The following CLNK variants were observed in gnomAD, a reference collection of about 807,000 sequenced individuals.
CLNK encodes the protein cytokine dependent hematopoietic cell linker.
A neutral mutation model predicts 68.6 loss-of-function variants in CLNK; 74 were observed. The ratio of observed to expected loss-of-function variants is 1.08; its 90% CI spans 0.89 to 1.31. The LOEUF (loss-of-function observed/expected upper bound fraction) is 1.31, where lower values mean the gene tolerates loss of function less well. Among genes scored for constraint, CLNK ranks in the 50% most tolerant of loss-of-function variants. The pLI is 0.00. For missense variants in CLNK, 553 were observed against 515.3 expected, an observed-to-expected ratio of 1.07 and a Z score of -0.71; for synonymous variants, 198 against 172.2, an observed-to-expected ratio of 1.15 and a Z score of -1.17.
chr4:10,711,051 C>A, the CLNK span, among the ~76,000 whole-genome samples: 1 of 152,200 alleles, frequency 6.6e-6, no homozygotes, highest in Non-Finnish European at 1.5e-5. Flanking sequence ...AGATTGGTTT[C>A]ATGCTTAAGG....
At chr4:10,557,076 A>AAAATAAATAAAT (rs145622246) in intron 8 of CLNK, among the ~76,000 whole-genome samples, 2,963 of 140,024 alleles carry the variant, frequency 0.021, 50 homozygotes, top group Admixed American at 0.031. Flanking sequence ...ACTCTGTCTC[A>AAAATAAATAAAT]AAATAAATAA....
chr4:10,535,864 AATT>A (rs1181744929), intron 11 of CLNK, among the ~76,000 whole-genome samples: 5 of 152,368 alleles, frequency 3.3e-5, no homozygotes, highest in African/African-American at 1.2e-4. Flanking sequence ...CAGAAAAAAT[AATT>A]AAGTACATGG....
chr4:10,722,151 G>T, the CLNK span, among the ~76,000 whole-genome samples: 1 of 152,136 alleles, frequency 6.6e-6, no homozygotes, highest in Non-Finnish European at 1.5e-5. Context: ...TCCAGATTGA[G>T]CGAGAGAGAC....
intron 11 of CLNK, among the ~76,000 whole-genome samples, chr4:10,537,617 C>G (rs951304744): frequency 6.7e-6 from 1 of 148,844 alleles, no homozygotes; most frequent in Non-Finnish European, 1.5e-5. Flanking sequence ...CCCTTTCTCT[C>G]TCTCTTTCTT....
chr4:10,571,616 G>C (rs1720356513), intron 5 of CLNK, 125 bp downstream of exon 5: 1 of 751,836 alleles, frequency 1.3e-6, no homozygotes, highest in Admixed American at 2.2e-5. Flanking sequence ...GATTACAGGT[G>C]TGAACCACTG....
chr4:10,598,167 A>C, intron 2 of CLNK, 118 bp from the exon 3 acceptor site: 4 of 678,202 alleles, frequency 5.9e-6, no homozygotes, highest in South Asian at 1.9e-5. Flanking sequence ...ATTATGTCTC[A>C]CACATAATTC....
intron 8 of CLNK, among the ~76,000 whole-genome samples, chr4:10,546,952 C>T (rs1719256034): frequency 6.6e-6 from 1 of 152,190 alleles, no homozygotes; most frequent in Non-Finnish European, 1.5e-5. Flanking sequence ...ACTGAGTATG[C>T]TGGCTCAGGT....
the CLNK span, among the ~76,000 whole-genome samples, chr4:10,691,736 A>G: frequency 6.6e-6 from 1 of 152,334 alleles, no homozygotes; most frequent in Non-Finnish European, 1.5e-5. Flanking sequence ...AGGGTCTCCA[A>G]ATTGGCAGGA....
rs1003205786 is a variant in CLNK, at chr4:10,488,801, T to G, written c.*1666A>C. The G allele has an allele frequency of 6.6e-5, 10 of 152,254 alleles. No individual in the cohort carries two copies. Among genetic ancestry groups the G allele is most frequent in the African/African-American group, 2.4e-4 (10 of 41,476 alleles). 9.4% of individuals were successfully genotyped at this position (152,254 alleles called of 1,614,324 possible). A position where few individuals can be genotyped will look rare whatever the true frequency, so the allele number is the denominator to read the frequency against. On this transcript the variant is annotated 3_prime_UTR_variant, in exon 19 of 19. Coordinates refer to ENST00000226951, the MANE Select transcript of CLNK (RefSeq NM_052964.4). ...ATTGTCTGCTGTCTTACAAAAGAGA[T>G]AATCCTGCACATTGTTTTTATTGTT...
intron 10 of CLNK, among the ~76,000 whole-genome samples, chr4:10,540,876 C>A (rs1257205639): frequency 6.6e-6 from 1 of 152,092 alleles, no homozygotes; most frequent in Non-Finnish European, 1.5e-5. Context: ...GCCTTCCATT[C>A]ATCCCAGACT....
intron 2 of CLNK, among the ~76,000 whole-genome samples, chr4:10,601,381 C>A (rs1352150180): frequency 6.6e-6 from 1 of 152,124 alleles, no homozygotes; most frequent in African/African-American, 2.4e-5. Context: ...ATTAACAAGG[C>A]TGGAAAATAA....
At chr4:10,642,623 A>G (rs1723353292) in intron 2 of CLNK, among the ~76,000 whole-genome samples, 1 of 152,162 alleles carries the variant, frequency 6.6e-6, no homozygotes, top group Non-Finnish European at 1.5e-5. Context: ...TGGGTAAGTC[A>G]TGAAAACTTT....
At chr4:10,507,863 T>A in intron 17 of CLNK, 96 bp downstream of exon 17, 1 of 901,050 alleles carries the variant, frequency 1.1e-6, no homozygotes, top group Non-Finnish European at 1.7e-6. Flanking sequence ...AAATAATACA[T>A]GAAAGCAAGC....
At chr4:10,699,494 C>CTCTCTCTCTCTATATATA in the CLNK span, among the ~76,000 whole-genome samples, 2 of 56,980 alleles carry the variant, frequency 3.5e-5, no homozygotes, top group African/African-American at 1.8e-4. Context: ...CTCTCTCTCT[C>CTCTCTCTCTCTATATATA]TATATATATA....
In CLNK at chr4:10,490,329, C is replaced by G. The variant is rs1716515241; in HGVS notation, c.*138G>C. 2 of 715,532 alleles carry G rather than the reference C, an allele frequency of 2.8e-6. No homozygotes were observed. The highest frequency in any genetic ancestry group is 4.1e-6 in the Non-Finnish European group (2 of 489,100). 44.3% of individuals were successfully genotyped at this position (715,532 alleles called of 1,614,324 possible). A position where few individuals can be genotyped will look rare whatever the true frequency, so the allele number is the denominator to read the frequency against. The stretch of plus-strand genomic sequence containing the variant: ...TTTCAAAACCGTGAGTGATTTTCCA[C>G]TCTCTGTTATAGAGTGTTTTTCTTT... On this transcript the variant is annotated 3_prime_UTR_variant, in exon 19 of 19. Transcript: ENST00000226951.
intron 18 of CLNK, among the ~76,000 whole-genome samples, chr4:10,493,644 C>G (rs527288815): frequency 7.9e-5 from 12 of 152,162 alleles, no homozygotes; most frequent in Non-Finnish European, 1.8e-4. Flanking sequence ...TCAGACTACA[C>G]CACCACCCAT....
chr4:10,598,775 T>G (rs1433521448), intron 2 of CLNK: 1 of 371,650 alleles, frequency 2.7e-6, no homozygotes. Context: ...TTTGCAGGCA[T>G]TTCATTAGCT....
At chr4:10,492,428 T>C (rs1264390022) in intron 18 of CLNK, among the ~76,000 whole-genome samples, 1 of 152,144 alleles carries the variant, frequency 6.6e-6, no homozygotes, top group Non-Finnish European at 1.5e-5. Context: ...GAATAGCCAA[T>C]GGAGAATGAG....
chr4:10,536,876 C>A (rs1025401364), intron 11 of CLNK, among the ~76,000 whole-genome samples: 1 of 151,964 alleles, frequency 6.6e-6, no homozygotes, highest in South Asian at 2.1e-4. Flanking sequence ...CCCAATAGAC[C>A]TGTGTGGTTT....
Sources: allele counts gnomAD v4.1 joint callset (sites outside exome capture counted in the v4.1 genomes callset), GRCh38; gene constraint gnomAD v4.1.1; transcripts MANE v1.5; gene names NCBI Gene and HGNC (gene_info 2026-07-23, HGNC 2026-07-21).